GALNT13: variants seen among roughly 807,000 people sequenced by gnomAD.
The protein encoded by GALNT13 is polypeptide N-acetylgalactosaminyltransferase 13, also known as UDP-GalNAc:polypeptide N-acetylgalactosaminyltransferase 13.
A neutral mutation model predicts 64.2 loss-of-function variants in GALNT13; 28 were observed. The observed-to-expected ratio is 0.44, with a 90% CI of 0.32 to 0.60. The LOEUF (loss-of-function observed/expected upper bound fraction) is 0.60. Ranked by LOEUF, GALNT13 falls within the 20% of genes least tolerant of loss-of-function variation. GALNT13 has a pLI of 0.05. For missense variants in GALNT13, 577 were observed against 669.8 expected, an observed-to-expected ratio of 0.86 and a Z score of 1.53; for synonymous variants, 214 against 224.6, an observed-to-expected ratio of 0.95 and a Z score of 0.42.
chr2:154,085,530 A>T (rs1232495395), intron 3 of GALNT13, among the ~76,000 whole-genome samples: 1 of 152,048 alleles, frequency 6.6e-6, no homozygotes, highest in African/African-American at 2.4e-5. Context: ...GTGCTCTGAA[A>T]AAGGAAGTTC....
intron 1 of GALNT13, among the ~76,000 whole-genome samples, chr2:153,888,078 C>T (rs1687307849): frequency 6.6e-6 from 1 of 151,758 alleles, no homozygotes; most frequent in African/African-American, 2.4e-5. Flanking sequence ...ATTTGAATTC[C>T]ACTTCTCTTT....
chr2:153,094,706 C>T, the GALNT13 span, among the ~76,000 whole-genome samples: 1 of 152,120 alleles, frequency 6.6e-6, no homozygotes, highest in Admixed American at 6.5e-5. Context: ...ACCAATGGAA[C>T]AGAACAGAGC....
At chr2:154,362,224 G>A (rs1349229727) in intron 9 of GALNT13, among the ~76,000 whole-genome samples, 1 of 151,918 alleles carries the variant, frequency 6.6e-6, no homozygotes, top group Non-Finnish European at 1.5e-5. Flanking sequence ...TGTAAAAAAT[G>A]ATCACAAATT....
the GALNT13 span, among the ~76,000 whole-genome samples, chr2:153,782,248 T>C: frequency 6.6e-6 from 1 of 152,202 alleles, no homozygotes; most frequent in Non-Finnish European, 1.5e-5. Context: ...CTATGCATCA[T>C]AGATCAAATA....
intron 3 of GALNT13, among the ~76,000 whole-genome samples, chr2:154,089,523 G>T (rs1336040742): frequency 6.6e-6 from 1 of 152,054 alleles, no homozygotes. Flanking sequence ...GCCTGGAAGA[G>T]ATTCTGAAAC....
intron 4 of GALNT13, among the ~76,000 whole-genome samples, chr2:154,165,182 C>T (rs1684958135): frequency 6.6e-6 from 1 of 152,020 alleles, no homozygotes; most frequent in Non-Finnish European, 1.5e-5. Context: ...AAATATTTCT[C>T]TAAAGAATAG....
chr2:154,326,872 A>AT (rs1221408192), intron 9 of GALNT13, among the ~76,000 whole-genome samples: 2 of 152,022 alleles, frequency 1.3e-5, no homozygotes, highest in African/African-American at 4.8e-5. Flanking sequence ...AGTAAGTTAA[A>AT]TTTTTCAGGT....
chr2:153,249,763 A>G, the GALNT13 span, among the ~76,000 whole-genome samples: 21 of 152,176 alleles, frequency 1.4e-4, no homozygotes, highest in Admixed American at 1.3e-3. Flanking sequence ...AATGACAAAA[A>G]CAAGCAATGA....
At chr2:154,360,786 A>T (rs1294388743) in intron 9 of GALNT13, among the ~76,000 whole-genome samples, 1 of 152,116 alleles carries the variant, frequency 6.6e-6, no homozygotes, top group African/African-American at 2.4e-5. Flanking sequence ...CAAGGAACTC[A>T]GTTTGATGTG....
chr2:153,807,402 A>G, the GALNT13 span, among the ~76,000 whole-genome samples: 2 of 151,962 alleles, frequency 1.3e-5, no homozygotes, highest in African/African-American at 4.8e-5. Flanking sequence ...CTATTAGATA[A>G]CTACCTTTGC....
chr2:153,394,175 C>G, the GALNT13 span, among the ~76,000 whole-genome samples: 1 of 152,038 alleles, frequency 6.6e-6, no homozygotes, highest in Non-Finnish European at 1.5e-5. Context: ...GAAATGTAGC[C>G]TGTAGAGCAG....
the GALNT13 span, among the ~76,000 whole-genome samples, chr2:153,827,376 C>A: frequency 6.6e-6 from 1 of 152,228 alleles, no homozygotes; most frequent in South Asian, 2.1e-4. Context: ...GTAATCCCAG[C>A]ACTTCGGGAG....
At chr2:153,940,863 A>G (rs914334721) in intron 2 of GALNT13, among the ~76,000 whole-genome samples, 7 of 152,208 alleles carry the variant, frequency 4.6e-5, no homozygotes, top group African/African-American at 7.2e-5. Flanking sequence ...ACAATTTTCT[A>G]CAAAAGAAAG....
At chr2:153,587,601 T>C in the GALNT13 span, among the ~76,000 whole-genome samples, 1 of 152,250 alleles carries the variant, frequency 6.6e-6, no homozygotes, top group South Asian at 2.1e-4. Context: ...AAGAACAGCA[T>C]GGAAAAGACC....
the GALNT13 span, among the ~76,000 whole-genome samples, chr2:153,178,737 T>C: frequency 1.5e-5 from 2 of 130,878 alleles, no homozygotes; most frequent in Admixed American, 7.4e-5. Context: ...TTCTTCTTTT[T>C]TTTTTTTTTT....
intron 3 of GALNT13, among the ~76,000 whole-genome samples, chr2:153,993,059 G>A (rs916332316): frequency 6.6e-6 from 1 of 152,044 alleles, no homozygotes; most frequent in Non-Finnish European, 1.5e-5. Flanking sequence ...AGTTCAAGCT[G>A]TTCTTTATGA....
the GALNT13 span, among the ~76,000 whole-genome samples, chr2:153,161,412 T>A: frequency 6.6e-6 from 1 of 152,190 alleles, no homozygotes; most frequent in Admixed American, 6.5e-5. Context: ...GTATTGTGTG[T>A]GGTTTGGGAT....
At chr2:153,743,479 G>T in the GALNT13 span, among the ~76,000 whole-genome samples, 3 of 151,176 alleles carry the variant, frequency 2.0e-5, no homozygotes, top group African/African-American at 2.4e-5. Flanking sequence ...AATTTTTTTT[G>T]AACCTACTTT....
chr2:153,204,274 T>C, the GALNT13 span, among the ~76,000 whole-genome samples: 2 of 152,224 alleles, frequency 1.3e-5, no homozygotes, highest in African/African-American at 2.4e-5. Context: ...CCTCCTTTGG[T>C]TGATGTACTT....
Sources: allele counts gnomAD v4.1 joint callset (sites outside exome capture counted in the v4.1 genomes callset), GRCh38; gene constraint gnomAD v4.1.1; transcripts MANE v1.5; gene names NCBI Gene and HGNC (gene_info 2026-07-23, HGNC 2026-07-21).